HERC3: variants seen among roughly 807,000 people sequenced by gnomAD.
HERC3 encodes HECT and RLD domain containing E3 ubiquitin protein ligase 3.
In HERC3, 58 loss-of-function variants were observed where a neutral mutation model predicts 129.9. The ratio of observed to expected loss-of-function variants is 0.45; its 90% confidence interval spans 0.36 to 0.56. The LOEUF is 0.56. Among genes scored for constraint, HERC3 ranks in the 20% least tolerant of loss-of-function variants. The pLI is 0.00. For missense variants in HERC3, 835 were observed against 1,244.2 expected (o/e 0.67, Z 4.95); for synonymous variants, 430 against 451.0 (o/e 0.95, Z 0.59).
intron 16 of HERC3, among the ~76,000 whole-genome samples, chr4:88,673,197 C>A (rs1476723788): frequency 6.6e-6 from 1 of 152,184 alleles, no homozygotes; most frequent in African/African-American, 2.4e-5. Flanking sequence ...AGCTCGACAT[C>A]TTGCTGTATG....
At chr4:88,664,671 C>T (rs1730855467) in intron 12 of HERC3, among the ~76,000 whole-genome samples, 1 of 152,076 alleles carries the variant, frequency 6.6e-6, no homozygotes, top group Admixed American at 6.6e-5. Context: ...TAAGATGTGT[C>T]ATAATTCTAA....
intron 3 of HERC3, among the ~76,000 whole-genome samples, chr4:88,625,353 GTCT>G (rs1210623275): frequency 1.3e-5 from 2 of 151,908 alleles, no homozygotes; most frequent in African/African-American, 4.8e-5. Flanking sequence ...TATATTTTAG[GTCT>G]TCTTTAATTT....
At chr4:88,693,241 T>A in intron 23 of HERC3, 2 of 979,688 alleles carry the variant, frequency 2.0e-6, no homozygotes, top group Non-Finnish European at 2.4e-6. Flanking sequence ...CAAGTATCTT[T>A]TGTGTATAAA....
At chr4:88,662,286 T>C in intron 10 of HERC3, 145 bp from the exon 11 acceptor site, 1 of 735,962 alleles carries the variant, frequency 1.4e-6, no homozygotes, top group South Asian at 2.0e-5. Context: ...GCCTCCATTC[T>C]GAAGGGTGGA....
chr4:88,682,543 A>G (rs1389860521), intron 21 of HERC3, among the ~76,000 whole-genome samples: 3 of 139,378 alleles, frequency 2.2e-5, no homozygotes, highest in South Asian at 2.2e-4. Context: ...TCATTGTTCA[A>G]TTCCCACCTA....
chr4:88,600,685 C>T (rs1050890997), intron 2 of HERC3, among the ~76,000 whole-genome samples: 1 of 152,210 alleles, frequency 6.6e-6, no homozygotes, highest in Non-Finnish European at 1.5e-5. Context: ...CTTTAGCTCT[C>T]TCCAGGGGAG....
chr4:88,682,992 A>C (rs891077438), intron 21 of HERC3, among the ~76,000 whole-genome samples: 45 of 152,266 alleles, frequency 3.0e-4, no homozygotes, highest in African/African-American at 8.7e-4. Flanking sequence ...CTGTTGTTTC[A>C]TGACTTTTTA....
At chr4:88,572,303 C>T in the HERC3 span, among the ~76,000 whole-genome samples, 1 of 152,058 alleles carries the variant, frequency 6.6e-6, no homozygotes, top group Admixed American at 6.5e-5. Flanking sequence ...TGGCACCCAC[C>T]TGTAGTCCCA....
At chr4:88,693,090 C>T (rs1734240252) in intron 23 of HERC3, 4 of 983,072 alleles carry the variant, frequency 4.1e-6, no homozygotes, top group Non-Finnish European at 3.6e-6. Context: ...CATGAATGCC[C>T]TTAATAGTGA....
At chr4:88,689,811 G>A (rs1436228704) in intron 23 of HERC3, among the ~76,000 whole-genome samples, 10 of 151,986 alleles carry the variant, frequency 6.6e-5, no homozygotes, top group Non-Finnish European at 1.3e-4. Flanking sequence ...CTCCTGACCT[G>A]AGCTGATCTG....
At chr4:88,546,351 G>A in the HERC3 span, among the ~76,000 whole-genome samples, 2 of 152,154 alleles carry the variant, frequency 1.3e-5, no homozygotes, top group Non-Finnish European at 2.9e-5. Flanking sequence ...ATGTTATAAG[G>A]CTGTATCTAA....
At chr4:88,567,404 G>A in the HERC3 span, among the ~76,000 whole-genome samples, 1 of 152,010 alleles carries the variant, frequency 6.6e-6, no homozygotes, top group African/African-American at 2.4e-5. Flanking sequence ...CCTCTTTAAG[G>A]CCAATAACTC....
intron 25 of HERC3, 108 bp downstream of exon 25, chr4:88,704,718 C>T: frequency 1.4e-6 from 1 of 692,986 alleles, no homozygotes; most frequent in East Asian, 2.7e-5. Flanking sequence ...ATGGTAAAGA[C>T]CAGGTAATTC....
At chr4:88,611,201 G>A (rs1171660654) in intron 3 of HERC3, among the ~76,000 whole-genome samples, 1 of 152,216 alleles carries the variant, frequency 6.6e-6, no homozygotes, top group Non-Finnish European at 1.5e-5. Context: ...GAAAGATTAT[G>A]TGGGTGGGTG....
chr4:88,574,022 G>A, the HERC3 span, among the ~76,000 whole-genome samples: 2 of 152,114 alleles, frequency 1.3e-5, no homozygotes, highest in Non-Finnish European at 2.9e-5. Flanking sequence ...ACTATTTTCT[G>A]AGGCAGCCAG....
At chr4:88,558,224 G>A in the HERC3 span, among the ~76,000 whole-genome samples, 2 of 152,048 alleles carry the variant, frequency 1.3e-5, no homozygotes, top group African/African-American at 2.4e-5. Context: ...AGCACAATTA[G>A]CCATTGGGAA....
At chr4:88,687,152 T>C in intron 22 of HERC3, 65 bp from the exon 23 acceptor site, 3 of 1,241,676 alleles carry the variant, frequency 2.4e-6, no homozygotes, top group Non-Finnish European at 3.5e-6. Context: ...TCTCAGTCAT[T>C]TGAGTTCTAG....
chr4:88,686,094 C>A (rs1156732803), intron 21 of HERC3, among the ~76,000 whole-genome samples: 1 of 152,028 alleles, frequency 6.6e-6, no homozygotes, highest in African/African-American at 2.4e-5. Flanking sequence ...GCTTGTTATG[C>A]CTGTGCAATG....
At chr4:88,560,801 A>G in the HERC3 span, among the ~76,000 whole-genome samples, 4 of 152,250 alleles carry the variant, frequency 2.6e-5, no homozygotes, top group East Asian at 5.8e-4. Flanking sequence ...TCTTCTGCCT[A>G]TAGAAATCCA....
Sources: allele counts gnomAD v4.1 joint callset (sites outside exome capture counted in the v4.1 genomes callset), GRCh38; gene constraint gnomAD v4.1.1; transcripts MANE v1.5; gene names NCBI Gene and HGNC (gene_info 2026-07-23, HGNC 2026-07-21).